Variants in CPE observed in about 807,000 individuals in gnomAD.
The protein encoded by CPE is carbocypeptidase E.
CPE carries 17 observed loss-of-function variants against 53.5 expected under a neutral mutation model. That is an observed-to-expected ratio of 0.32 (90% CI 0.22 to 0.48). CPE has a LOEUF of 0.48. Among genes scored for constraint, CPE ranks in the 20% least tolerant of loss-of-function variants. The pLI is 0.99. For missense variants in CPE, 524 were observed against 614.7 expected, an observed-to-expected ratio of 0.85 and a Z score of 1.56; for synonymous variants, 226 against 228.8, an observed-to-expected ratio of 0.99 and a Z score of 0.11.
chr4:165,485,171 A>T (rs1426440830), intron 5 of CPE, among the ~76,000 whole-genome samples: 1 of 152,058 alleles, frequency 6.6e-6, no homozygotes, highest in East Asian at 1.9e-4. Flanking sequence ...CAGCTGGGGG[A>T]AGCCCCTTCC....
intron 1 of CPE, among the ~76,000 whole-genome samples, chr4:165,427,384 C>G (rs1056688677): frequency 7.3e-6 from 1 of 136,898 alleles, no homozygotes; most frequent in Non-Finnish European, 1.6e-5. Context: ...TTTTGTCCAA[C>G]CTTTTTTTAA....
At chr4:165,470,087 G>T (rs563778189) in intron 3 of CPE, among the ~76,000 whole-genome samples, 2 of 152,134 alleles carry the variant, frequency 1.3e-5, no homozygotes, top group African/African-American at 4.8e-5. Context: ...AGAAGAATTC[G>T]ACCAAGAGGC....
At chr4:165,453,105 A>G (rs1415586764) in intron 1 of CPE, among the ~76,000 whole-genome samples, 1 of 151,180 alleles carries the variant, frequency 6.6e-6, no homozygotes. Flanking sequence ...GACTATAGGC[A>G]TGTGCCACCA....
At chr4:165,489,535 C>A (rs914836384) in intron 6 of CPE, among the ~76,000 whole-genome samples, 6 of 152,144 alleles carry the variant, frequency 3.9e-5, no homozygotes, top group Admixed American at 6.5e-5. Flanking sequence ...TAACAGTACA[C>A]AGAAGGGGAC....
chr4:165,398,255 TA>T (rs1310636637), intron 1 of CPE, among the ~76,000 whole-genome samples: 1 of 152,124 alleles, frequency 6.6e-6, no homozygotes, highest in Non-Finnish European at 1.5e-5. Flanking sequence ...TAAGAGCATG[TA>T]CCAGTGACAA....
In CPE at chr4:165,459,674, T is replaced by TGGGG. The variant is rs572743841; in HGVS notation, c.308-4710_308-4707dup. Among the ~76,000 whole-genome samples the TGGGG allele has an allele frequency of 3.5e-3, 199 of 56,470 alleles. 1 individual carries two copies. The highest frequency in any genetic ancestry group is 0.011 in the African/African-American group (151 of 13,946). 37.0% of individuals were successfully genotyped at this position (56,470 alleles called of 152,430 possible). A position where few individuals can be genotyped will look rare whatever the true frequency, so the allele number is the denominator to read the frequency against. On this transcript the variant is annotated intron_variant, in intron 1 of 8. Coordinates refer to ENST00000402744, the MANE Select transcript of CPE (RefSeq NM_001873.4). ...ATCCCAGCACTTTGGGAGGGCTGGG[T>TGGGG]GGGGGGGGGCGGGGCAGATCATGAG...
chr4:165,442,918 C>G (rs1237572862), intron 1 of CPE, among the ~76,000 whole-genome samples: 1 of 152,148 alleles, frequency 6.6e-6, no homozygotes, highest in Non-Finnish European at 1.5e-5. Context: ...GCAGCTGTCC[C>G]AGAATTCAGA....
At chr4:165,464,270 T>A in intron 1 of CPE, 120 bp from the exon 2 acceptor site, 2 of 775,726 alleles carry the variant, frequency 2.6e-6, no homozygotes, top group Non-Finnish European at 3.9e-6. Flanking sequence ...GATTTTTTTT[T>A]AAGGCATCGC....
chr4:165,430,669 T>C (rs1731395570), intron 1 of CPE, among the ~76,000 whole-genome samples: 1 of 152,122 alleles, frequency 6.6e-6, no homozygotes, highest in Non-Finnish European at 1.5e-5. Context: ...TTATACTTAA[T>C]ATATGCCTCA....
intron 3 of CPE, 24 bp from the exon 4 acceptor site, chr4:165,482,217 TC>T (rs1397926177): frequency 7.0e-7 from 1 of 1,438,588 alleles, no homozygotes; most frequent in East Asian, 2.3e-5. Flanking sequence ...AAATTTATAA[TC>T]CTTTTAATCT....
chr4:165,436,911 G>A (rs966981343), intron 1 of CPE, among the ~76,000 whole-genome samples: 5 of 152,154 alleles, frequency 3.3e-5, no homozygotes, highest in African/African-American at 1.2e-4. Context: ...GAAAACCACT[G>A]AACAAAAGGC....
Position 165,379,333 on chromosome 4 carries a change from A to T in CPE, c.112A>T (p.Arg38Trp). ...QEPGAPAAGM[R>W]RRRRLQQEDG... Reference sequence around the variant, plus strand: ...GCCCGGGGCGCCCGCGGCGGGCATGAGGCGGCGCCGGCGGCTGCAGCAAGA... The same window carrying T: ...GCCCGGGGCGCCCGCGGCGGGCATGTGGCGGCGCCGGCGGCTGCAGCAAGA... The change falls in exon 1 of 9, where the codon AGG becomes TGG. Residue 38 changes from arginine (R) to tryptophan (W), a missense_variant. Physicochemically the swap from Arg to Trp is moderately radical, Grantham distance 101. Transcript: ENST00000402744. The surrounding 1 kb of genome is among the most constrained non-coding windows in gnomAD (Gnocchi z 6.0). 1 of 1,577,628 alleles carries T rather than the reference A, an allele frequency of 6.3e-7. No homozygotes were observed. The highest frequency in any genetic ancestry group is 8.6e-7 in the Non-Finnish European group (1 of 1,166,660).
chr4:165,381,565 T>G, intron 1 of CPE: 1 of 268,492 alleles, frequency 3.7e-6, no homozygotes, highest in South Asian at 3.5e-5. Flanking sequence ...TGAAGGAGAC[T>G]CTAAGTCTAT....
intron 1 of CPE, chr4:165,405,323 AC>A: frequency 7.1e-7 from 1 of 1,405,746 alleles, no homozygotes; most frequent in Non-Finnish European, 1.0e-6. Context: ...CTTGCACAGG[AC>A]CTGACCATGG....
At chr4:165,454,121 C>G (rs1000366202) in intron 1 of CPE, among the ~76,000 whole-genome samples, 14 of 152,114 alleles carry the variant, frequency 9.2e-5, no homozygotes, top group Non-Finnish European at 1.3e-4. Flanking sequence ...TCACAAATTT[C>G]CTGAAAATTA....
chr4:165,467,145 A>AGCCT, intron 2 of CPE, among the ~76,000 whole-genome samples: 1 of 152,076 alleles, frequency 6.6e-6, no homozygotes, highest in Non-Finnish European at 1.5e-5. Context: ...CAACATAGCG[A>AGCCT]GACCCTGTCT....
chr4:165,485,468 A>T (rs1289045630), intron 5 of CPE, among the ~76,000 whole-genome samples: 1 of 152,040 alleles, frequency 6.6e-6, no homozygotes, highest in Non-Finnish European at 1.5e-5. Context: ...TTTCTTTCTG[A>T]TACATGTTAA....
chr4:165,493,879 A>G (rs1732654986), intron 7 of CPE, among the ~76,000 whole-genome samples: 2 of 152,158 alleles, frequency 1.3e-5, no homozygotes, highest in South Asian at 4.1e-4. Context: ...TGGCAAGTCT[A>G]CCTACTCGCA....
chr4:165,450,547 T>G (rs2126691626), intron 1 of CPE, among the ~76,000 whole-genome samples: 1 of 152,364 alleles, frequency 6.6e-6, no homozygotes, highest in South Asian at 2.1e-4. Flanking sequence ...TACTCATAAT[T>G]TATTCACAAG....
Sources: gnomAD v4.1 joint callset for allele counts (sites outside exome capture counted in the v4.1 genomes callset) on GRCh38, gnomAD v4.1.1 for gene constraint, Gnocchi (gnomAD v3.1) non-coding constraint, MANE v1.5 for transcripts, NCBI Gene and HGNC (gene_info 2026-07-23, HGNC 2026-07-21) for gene names.